Variants in SLC22A23 observed in about 807,000 individuals in gnomAD.
SLC22A23 encodes solute carrier family 22 member 23.
In SLC22A23, 26 loss-of-function variants were observed where a neutral mutation model predicts 61.0. That is an observed-to-expected ratio of 0.43 (90% CI 0.31 to 0.59). The LOEUF is 0.59. Among genes scored for constraint, SLC22A23 ranks in the 20% least tolerant of loss-of-function variants. SLC22A23 has a pLI of 0.11. For missense variants in SLC22A23, 796 were observed against 934.7 expected (o/e 0.85, Z 1.94); for synonymous variants, 430 against 413.9 (o/e 1.04, Z -0.47).
chr6:3,326,421 T>C (rs1365102917), intron 3 of SLC22A23, among the ~76,000 whole-genome samples: 1 of 152,062 alleles, frequency 6.6e-6, no homozygotes, highest in African/African-American at 2.4e-5. Context: ...ACCTAGAGAA[T>C]CAGCATCTGC....
At chr6:3,401,926 GTCA>G (rs1250797733) in intron 3 of SLC22A23, among the ~76,000 whole-genome samples, 1 of 152,200 alleles carries the variant, frequency 6.6e-6, no homozygotes, top group Non-Finnish European at 1.5e-5. Context: ...TGAAACAGAG[GTCA>G]TCATCTTCCC....
rs116833161 is a variant in SLC22A23 at position 3,314,252 on chromosome 6, T to G, written c.1082+9582A>C. Among the ~76,000 whole-genome samples, 1,297 of 152,304 alleles carry G rather than the reference T, an allele frequency of 8.5e-3. 13 individuals carry two copies. The highest frequency in any genetic ancestry group is 0.029 in the African/African-American group (1,213 of 41,556). ...CAGAAGTGTAGCTCTGCCAAGTAAA[T>G]GCTGCTCTCAGCAGCCCAGGGCCCT... is the stretch of plus-strand genomic sequence containing the variant. On this transcript the variant is annotated intron_variant, in intron 4 of 9. Transcript: ENST00000406686.
chr6:3,419,161 A>G (rs1769945669), intron 1 of SLC22A23, among the ~76,000 whole-genome samples: 1 of 152,194 alleles, frequency 6.6e-6, no homozygotes, highest in Admixed American at 6.5e-5. Context: ...CAAAACCAGA[A>G]CTGAATGTAA....
At position 3,427,627 on chromosome 6, in the gene SLC22A23, G is replaced by A. The variant is rs542822428; in HGVS notation, c.655-11772C>T. 6.4e-4 allele frequency among the ~76,000 whole-genome samples: 98 copies of A among 152,020 alleles called. No individual in the cohort carries two copies. The highest frequency in any genetic ancestry group is 2.0e-3 in the African/African-American group (83 of 41,472). ...CTCCCACCACCTCTCAGGATGCCGT[G>A]CCCTTCACTTTGACCTCCTCAGCAG... On this transcript the variant is annotated intron_variant, in intron 1 of 9. Coordinates refer to ENST00000406686, the MANE Select transcript of SLC22A23 (RefSeq NM_015482.2). The surrounding 1 kb of genome is among the most constrained non-coding windows in gnomAD (Gnocchi z 4.3).
chr6:3,389,404 T>C (rs1000523805), intron 3 of SLC22A23, among the ~76,000 whole-genome samples: 3 of 152,014 alleles, frequency 2.0e-5, no homozygotes, highest in African/African-American at 4.8e-5. Flanking sequence ...GTAAATGTTA[T>C]GGGATATGTT....
intron 3 of SLC22A23, among the ~76,000 whole-genome samples, chr6:3,356,891 A>C (rs997847147): frequency 6.6e-6 from 1 of 152,104 alleles, no homozygotes; most frequent in African/African-American, 2.4e-5. Context: ...TTCAAAGGTC[A>C]GGTCACCGAC....
chr6:3,375,844 T>C (rs1422632571), intron 3 of SLC22A23, among the ~76,000 whole-genome samples: 18 of 152,344 alleles, frequency 1.2e-4, no homozygotes, highest in Middle Eastern at 3.4e-3. Flanking sequence ...ATCAACTGTC[T>C]CTATTCTTAT....
At chr6:3,455,182 G>A (rs1330442948) in intron 1 of SLC22A23, among the ~76,000 whole-genome samples, 1 of 152,230 alleles carries the variant, frequency 6.6e-6, no homozygotes, top group Non-Finnish European at 1.5e-5. Flanking sequence ...TTTAGCTACA[G>A]GACTCAGAGG....
Position 3,272,849 on chromosome 6 carries a change from G to A in SLC22A23, c.*206C>T, listed in dbSNP as rs928668952. ...CACACATTTAACGGCAGAAAAGAAAGTCTTGAAAGGGTTATTTCCAAAGAG... is the reference window on the plus strand; with the variant it reads ...CACACATTTAACGGCAGAAAAGAAAATCTTGAAAGGGTTATTTCCAAAGAG... On this transcript the variant is annotated 3_prime_UTR_variant, in exon 10 of 10. Transcript: ENST00000406686. The A allele has an allele frequency of 1.4e-5, 7 of 494,216 alleles. No homozygotes were observed. Among genetic ancestry groups the A allele is most frequent in the East Asian group, 6.6e-5 (2 of 30,446 alleles). 30.6% of individuals were successfully genotyped at this position (494,216 alleles called of 1,614,324 possible). A position where few individuals can be genotyped will look rare whatever the true frequency, so the allele number is the denominator to read the frequency against.
At chr6:3,378,652 T>A (rs966013515) in intron 3 of SLC22A23, among the ~76,000 whole-genome samples, 1 of 75,830 alleles carries the variant, frequency 1.3e-5, no homozygotes, top group Admixed American at 1.1e-4. Flanking sequence ...TTTCTTTTCT[T>A]TTTTCTTTTT....
intron 1 of SLC22A23, among the ~76,000 whole-genome samples, chr6:3,440,600 G>A (rs575206167): frequency 2.2e-4 from 33 of 152,012 alleles, no homozygotes; most frequent in East Asian, 2.1e-3. Context: ...CCAGCTACTC[G>A]GGAGGCTGAG....
At chr6:3,337,347 G>C (rs925168076) in intron 3 of SLC22A23, among the ~76,000 whole-genome samples, 1 of 152,166 alleles carries the variant, frequency 6.6e-6, no homozygotes, top group Non-Finnish European at 1.5e-5. Flanking sequence ...CTGCTGGGGA[G>C]AGTGGTGAGT....
At chr6:3,310,825 G>A (rs1162156003) in intron 4 of SLC22A23, among the ~76,000 whole-genome samples, 1 of 152,194 alleles carries the variant, frequency 6.6e-6, no homozygotes, top group African/African-American at 2.4e-5. Flanking sequence ...TGTATGAGAC[G>A]CACGTCTACC....
intron 6 of SLC22A23, among the ~76,000 whole-genome samples, chr6:3,289,237 G>T (rs1488255281): frequency 2.0e-5 from 3 of 152,264 alleles, no homozygotes; most frequent in Admixed American, 1.3e-4. Flanking sequence ...AGCCCCTGCA[G>T]GACCCAGCAG....
At chr6:3,447,583 CTTT>C (rs757788904) in intron 1 of SLC22A23, among the ~76,000 whole-genome samples, 4 of 113,408 alleles carry the variant, frequency 3.5e-5, no homozygotes, top group Admixed American at 1.0e-4. Context: ...AAGAAACTTT[CTTT>C]TTTTTTTTTT....
rs757429313 is a variant in SLC22A23, at chr6:3,329,140, A to C, written c.914-5138T>G. Among the ~76,000 whole-genome samples the C allele has an allele frequency of 6.6e-6, 1 of 152,152 alleles. No individual in the cohort carries two copies. The highest frequency in any genetic ancestry group is 1.5e-5 in the Non-Finnish European group (1 of 68,026). ...CCACCAGAAATACCAGGGGTGGCCAAAGTTTTAACATTCTCCCCCCACCTC... is the reference window on the plus strand; with the variant it reads ...CCACCAGAAATACCAGGGGTGGCCACAGTTTTAACATTCTCCCCCCACCTC... On this transcript the variant is annotated intron_variant, in intron 3 of 9. Transcript: ENST00000406686. The surrounding 1 kb of genome is among the most constrained non-coding windows in gnomAD (Gnocchi z 4.8).
intron 3 of SLC22A23, among the ~76,000 whole-genome samples, chr6:3,345,292 A>G (rs950913187): frequency 6.6e-6 from 1 of 152,142 alleles, no homozygotes; most frequent in African/African-American, 2.4e-5. Flanking sequence ...CAACTTAAGA[A>G]AACAACTTCT....
intron 3 of SLC22A23, among the ~76,000 whole-genome samples, chr6:3,399,019 A>C (rs948578578): frequency 1.3e-5 from 2 of 151,938 alleles, no homozygotes; most frequent in Non-Finnish European, 2.9e-5. Context: ...ACAGAGCAAG[A>C]CTCTGACTCT....
chr6:3,399,932 G>T (rs748431547), intron 3 of SLC22A23, among the ~76,000 whole-genome samples: 1 of 152,194 alleles, frequency 6.6e-6, no homozygotes, highest in Admixed American at 6.5e-5. Context: ...AGGCTGGAGT[G>T]CAATGGCACA....
Sources: allele counts gnomAD v4.1 joint callset (sites outside exome capture counted in the v4.1 genomes callset), GRCh38; gene constraint gnomAD v4.1.1; non-coding constraint Gnocchi (gnomAD v3.1); transcripts MANE v1.5; gene names NCBI Gene and HGNC (gene_info 2026-07-23, HGNC 2026-07-21).